The following NEDD4L variants were observed in gnomAD, a reference collection of about 807,000 sequenced individuals.
The protein encoded by NEDD4L is E3 ubiquitin-protein ligase NEDD4-like.
A neutral mutation model predicts 148.9 loss-of-function variants in NEDD4L; 54 were observed. That is an observed-to-expected ratio of 0.36 (90% CI 0.29 to 0.45). The LOEUF is 0.45. NEDD4L is among the 20% of genes least tolerant of loss of function. NEDD4L has a pLI of 1.00. For missense variants in NEDD4L, 856 were observed against 1,233.8 expected, an observed-to-expected ratio of 0.69 and a Z score of 4.59; for synonymous variants, 433 against 440.7, an observed-to-expected ratio of 0.98 and a Z score of 0.22.
At chr18:58,085,290 C>G (rs896758968) in intron 1 of NEDD4L, among the ~76,000 whole-genome samples, 66 of 152,222 alleles carry the variant, frequency 4.3e-4, no homozygotes, top group African/African-American at 1.3e-3. Context: ...TGTGACGCAG[C>G]AGGTGTGCAC....
intron 24 of NEDD4L, among the ~76,000 whole-genome samples, chr18:58,380,464 G>A (rs560822622): frequency 1.6e-4 from 25 of 152,020 alleles, no homozygotes; most frequent in Admixed American, 4.6e-4. Flanking sequence ...GATTACAGGC[G>A]TGAGCCACCA....
At position 58,329,057 on chromosome 18, in the gene NEDD4L, G is replaced by A. The variant is rs948274978; in HGVS notation, c.743G>A (p.Arg248His). The A allele has an allele frequency of 4.3e-6, 7 of 1,613,892 alleles. No homozygotes were observed. The highest frequency in any genetic ancestry group is 5.9e-6 in the Non-Finnish European group (7 of 1,179,892). ...ATCAACCAGGAGGCAGCACACCGGC[G>A]CTTCCGCTCCCGCAGGCACATCAGC... ...RQINQEAAHR[R>H]FRSRRHISED... The change falls in exon 10 of 31, where the codon CGC (arginine) becomes CAC (histidine). Residue 248 changes from arginine to histidine, a missense_variant. Transcript: ENST00000400345.
At chr18:58,186,836 G>A (rs1409949789) in intron 2 of NEDD4L, among the ~76,000 whole-genome samples, 1 of 152,148 alleles carries the variant, frequency 6.6e-6, no homozygotes, top group African/African-American at 2.4e-5. Context: ...TGATTCAGCT[G>A]GTCTGCAGCC....
chr18:58,097,922 G>A (rs2084521484), intron 1 of NEDD4L, among the ~76,000 whole-genome samples: 1 of 152,126 alleles, frequency 6.6e-6, no homozygotes, highest in African/African-American at 2.4e-5. Flanking sequence ...CCAGCAACTT[G>A]GGAGGCGGAT....
chr18:58,135,071 T>C (rs2032680020), intron 1 of NEDD4L, among the ~76,000 whole-genome samples: 1 of 151,986 alleles, frequency 6.6e-6, no homozygotes, highest in Non-Finnish European at 1.5e-5. Context: ...TTTTCTTTTT[T>C]TTTTTGGAAT....
intron 13 of NEDD4L, among the ~76,000 whole-genome samples, chr18:58,339,458 T>G (rs1437654721): frequency 6.6e-6 from 1 of 152,158 alleles, no homozygotes; most frequent in Non-Finnish European, 1.5e-5. Context: ...CGATGTTTAA[T>G]ATTCATGAAA....
At chr18:58,228,790 T>C (rs928391692) in intron 2 of NEDD4L, among the ~76,000 whole-genome samples, 2 of 152,196 alleles carry the variant, frequency 1.3e-5, no homozygotes, top group Non-Finnish European at 2.9e-5. Context: ...AGGATGAGCG[T>C]TGGGGAGTAT....
At chr18:58,234,762 CTTTG>C (rs1305857035) in intron 2 of NEDD4L, among the ~76,000 whole-genome samples, 2 of 152,216 alleles carry the variant, frequency 1.3e-5, no homozygotes, top group Admixed American at 6.5e-5. Flanking sequence ...CAGCTCCATT[CTTTG>C]TTTGTGTTTA....
At chr18:58,392,551 T>G (rs1488311622) in intron 30 of NEDD4L, among the ~76,000 whole-genome samples, 1 of 152,152 alleles carries the variant, frequency 6.6e-6, no homozygotes, top group African/African-American at 2.4e-5. Context: ...TTTTTTCTAT[T>G]CGTACCATTC....
At chr18:58,084,987 G>C (rs74255435) in intron 1 of NEDD4L, among the ~76,000 whole-genome samples, 1 of 152,004 alleles carries the variant, frequency 6.6e-6, no homozygotes, top group African/African-American at 2.4e-5. Context: ...GAGCCACTGC[G>C]CCCAGCCTGG....
chr18:58,069,917 C>T (rs886446737), intron 1 of NEDD4L, among the ~76,000 whole-genome samples: 3 of 152,188 alleles, frequency 2.0e-5, no homozygotes, highest in Non-Finnish European at 4.4e-5. Context: ...CCCTGACCAC[C>T]TCCTTGGTGG....
chr18:58,360,294 C>T (rs1226277088), intron 19 of NEDD4L, among the ~76,000 whole-genome samples: 1 of 152,132 alleles, frequency 6.6e-6, no homozygotes, highest in Non-Finnish European at 1.5e-5. Flanking sequence ...TGCATTTTTC[C>T]GATTCTCTCT....
At chr18:58,243,655 G>A (rs1236740642) in intron 2 of NEDD4L, among the ~76,000 whole-genome samples, 4 of 152,178 alleles carry the variant, frequency 2.6e-5, no homozygotes, top group Non-Finnish European at 5.9e-5. Context: ...CCATTAGGAA[G>A]GTGCTTATGG....
chr18:58,161,504 A>G (rs1159983220), intron 1 of NEDD4L, among the ~76,000 whole-genome samples: 1 of 151,666 alleles, frequency 6.6e-6, no homozygotes, highest in Admixed American at 6.6e-5. Flanking sequence ...AAAGGAAAAA[A>G]ATGTAAGTCA....
chr18:58,045,034 G>A (rs957058587), intron 1 of NEDD4L: 2 of 408,464 alleles, frequency 4.9e-6, no homozygotes, highest in Admixed American at 4.4e-5. Context: ...AGCGTCTCCC[G>A]GGGCTGTTGG....
intron 1 of NEDD4L, among the ~76,000 whole-genome samples, chr18:58,118,436 T>C (rs1350685747): frequency 5.3e-5 from 8 of 152,248 alleles, no homozygotes; most frequent in Non-Finnish European, 1.0e-4. Flanking sequence ...TGGATATAAC[T>C]AGAAGCTCTG....
intron 1 of NEDD4L, chr18:58,044,929 A>G (rs2081505975): frequency 4.2e-6 from 2 of 478,582 alleles, no homozygotes; most frequent in South Asian, 8.3e-5. Flanking sequence ...AAGCGGCGCG[A>G]CGCCCTTGGA....
chr18:58,048,295 A>T (rs1468826689), intron 1 of NEDD4L, among the ~76,000 whole-genome samples: 1 of 152,214 alleles, frequency 6.6e-6, no homozygotes, highest in African/African-American at 2.4e-5. Context: ...CTTCTTAATC[A>T]ACCATTAAGG....
chr18:58,100,837 T>C (rs573036260), intron 1 of NEDD4L, among the ~76,000 whole-genome samples: 1 of 152,330 alleles, frequency 6.6e-6, no homozygotes, highest in African/African-American at 2.4e-5. Flanking sequence ...GACAGGGTCT[T>C]GCTCTGCCAT....
Sources: gnomAD v4.1 joint callset for allele counts (sites outside exome capture counted in the v4.1 genomes callset) on GRCh38, gnomAD v4.1.1 for gene constraint, MANE v1.5 for transcripts, NCBI Gene and HGNC (gene_info 2026-07-23, HGNC 2026-07-21) for gene names.